The following TTF1 variants were observed in gnomAD, a reference collection of about 807,000 sequenced individuals.
TTF1 encodes the protein transcription termination factor, RNA polymerase I.
Under a neutral mutation model 80.2 loss-of-function variants are expected in TTF1, and 64 were observed. The observed-to-expected ratio is 0.80, with a 90% CI of 0.65 to 0.98. TTF1 has a LOEUF of 0.98. Among genes scored for constraint, TTF1 ranks in the 50% least tolerant of loss-of-function variants. The pLI, the probability that TTF1 is intolerant of heterozygous loss-of-function variation, is 0.00. For missense variants in TTF1, 1,023 were observed against 1,086.2 expected (o/e 0.94, Z 0.82); for synonymous variants, 372 against 382.7 (o/e 0.97, Z 0.33).
rs530893039 is a variant in TTF1 at position 132,386,596 on chromosome 9, T to C, written c.2338A>G (p.Thr780Ala). Residue 780 changes from threonine to alanine, a missense_variant, in exon 9 of 11, where the codon ACT becomes GCT. Transcript: ENST00000334270. ...AGATCTTCCCAGTCTATTTCATTAG[T>C]ATCTTCCACATTTATTTCATACAAC... ...ERLYEINVED[T>A]NEIDWEDLAS... The C allele has an allele frequency of 2.0e-4, 326 of 1,612,972 alleles. 4 individuals are homozygous for C. In the South Asian group the frequency reaches 3.3e-3, roughly 17 times the overall value.
intron 8 of TTF1, 50 bp downstream of exon 8, chr9:132,388,089 T>C (rs1272267501): frequency 6.9e-7 from 1 of 1,447,254 alleles, no homozygotes. Flanking sequence ...CAACTTCTCT[T>C]TGGCTAGAGA....
intron 2 of TTF1, 54 bp downstream of exon 2, chr9:132,401,401 C>T: frequency 1.3e-6 from 2 of 1,529,630 alleles, no homozygotes; most frequent in South Asian, 2.6e-5. Context: ...GAGGTATCGG[C>T]AGAATCCATA....
At chr9:132,383,022 G>A (rs902043312) in intron 9 of TTF1, among the ~76,000 whole-genome samples, 9 of 151,476 alleles carry the variant, frequency 5.9e-5, no homozygotes, top group African/African-American at 9.7e-5. Flanking sequence ...CCGAGATCAC[G>A]CTGTTGCACT....
chr9:132,387,407 C>A (rs530745976), intron 8 of TTF1, among the ~76,000 whole-genome samples: 1 of 152,202 alleles, frequency 6.6e-6, no homozygotes, highest in Admixed American at 6.5e-5. Context: ...ACTTGAGATG[C>A]CCTTCTTGGA....
In TTF1 at chr9:132,402,073, A is replaced by C. The variant is rs764076768; in HGVS notation, c.749T>G (p.Met250Arg). ...SQAGREAGTD[M>R]QESQPTVGLD... is the part of the protein sequence containing the mutation. The stretch of plus-strand genomic sequence containing the variant: ...GCCCACAGTAGGCTGGGATTCCTGC[A>C]TATCAGTCCCGGCCTCTCTGCCTGC... The change falls in exon 2 of 11, where the codon ATG (methionine) becomes AGG (arginine). Residue 250 changes from methionine (M) to arginine (R), a missense_variant. By Grantham distance (91) the Met-to-Arg change is moderately conservative. Coordinates refer to ENST00000334270, the MANE Select transcript of TTF1 (RefSeq NM_007344.4). 1 of 1,614,074 alleles carries C rather than the reference A, an allele frequency of 6.2e-7. No homozygotes were observed. Among genetic ancestry groups the C allele is most frequent in the East Asian group, 2.2e-5 (1 of 44,876 alleles).
intron 7 of TTF1, 112 bp from the exon 8 acceptor site, chr9:132,388,340 T>C (rs1298264152): frequency 1.4e-6 from 1 of 702,514 alleles, no homozygotes; most frequent in East Asian, 3.2e-5. Context: ...CTTCTAACTT[T>C]TCTTTTTTTT....
At chr9:132,379,031 T>G (rs1589815364) in intron 10 of TTF1, 28 bp downstream of exon 10, 1 of 1,550,098 alleles carries the variant, frequency 6.5e-7, no homozygotes, top group South Asian at 1.2e-5. Flanking sequence ...GCCATGTTCT[T>G]AGCCATATAA....
At position 132,400,198 on chromosome 9, in the gene TTF1, G is replaced by A. The variant is rs777643004; in HGVS notation, c.1428C>T (p.Tyr476=). The A allele has an allele frequency of 6.2e-7, 1 of 1,614,208 alleles. No individual in the cohort carries two copies. Among genetic ancestry groups the A allele is most frequent in the South Asian group, 1.1e-5 (1 of 91,080 alleles). The change falls in exon 3 of 11, where the codon TAC becomes TAT. Residue 476 remains tyrosine, a synonymous_variant. Transcript: ENST00000334270. ...VETAEDSEIR[Y]LSADSGDADD... The stretch of plus-strand genomic sequence containing the variant: ...CGGCATCTCCTGAATCTGCAGATAA[G>A]TATCTTATTTCGGAATCTTCAGCTG...
At chr9:132,390,553 C>T (rs1849541186) in intron 7 of TTF1, 44 bp downstream of exon 7, 1 of 1,592,356 alleles carries the variant, frequency 6.3e-7, no homozygotes. Flanking sequence ...CTCACCTCTC[C>T]ACAGAAGCTG....
intron 9 of TTF1, among the ~76,000 whole-genome samples, chr9:132,383,212 T>C (rs1174366911): frequency 6.8e-6 from 1 of 147,500 alleles, no homozygotes; most frequent in Non-Finnish European, 1.5e-5. Flanking sequence ...CACACCATTG[T>C]AACTCCAGCC....
chr9:132,393,621 G>C (rs1485416190), intron 5 of TTF1, among the ~76,000 whole-genome samples: 2 of 152,154 alleles, frequency 1.3e-5, no homozygotes, highest in African/African-American at 2.4e-5. Flanking sequence ...TCTCTGTTCG[G>C]GGCTCTTAGC....
chr9:132,391,639 T>G (rs1849560356), intron 6 of TTF1, among the ~76,000 whole-genome samples: 1 of 152,138 alleles, frequency 6.6e-6, no homozygotes, highest in East Asian at 1.9e-4. Flanking sequence ...AGGACTGTCT[T>G]CTGAAAGGAA....
At chr9:132,383,147 C>CTGAT (rs908846276) in intron 9 of TTF1, among the ~76,000 whole-genome samples, 1 of 150,826 alleles carries the variant, frequency 6.6e-6, no homozygotes, top group African/African-American at 2.4e-5. Context: ...ATTTAGGTGG[C>CTGAT]TGAGGCACAA....
At position 132,401,889 on chromosome 9, in the gene TTF1, C is replaced by T. The variant is rs769634257; in HGVS notation, c.933G>A (p.Arg311=). ...TTTCACCATGCAGGCCCACAGCAGG[C>T]CGGGATTCCTGCATATCAGCCCCAA... ...SEVGADMQES[R]PAVGLHGETA... Residue 311 remains arginine, a synonymous_variant, in exon 2 of 11, where the codon CGG becomes CGA. Transcript: ENST00000334270. The T allele has an allele frequency of 1.2e-6, 2 of 1,610,152 alleles. No homozygotes were observed. The highest frequency in any genetic ancestry group is 4.5e-5 in the East Asian group (2 of 44,110).
chr9:132,394,948 G>A (rs572970903), intron 5 of TTF1, among the ~76,000 whole-genome samples: 38 of 149,676 alleles, frequency 2.5e-4, no homozygotes, highest in East Asian at 7.9e-4. Flanking sequence ...TCCCAGCACC[G>A]TGGGAGGCTG....
At chr9:132,394,427 T>C (rs933299433) in intron 5 of TTF1, among the ~76,000 whole-genome samples, 1 of 151,904 alleles carries the variant, frequency 6.6e-6, no homozygotes, top group Non-Finnish European at 1.5e-5. Context: ...TTATAAGCGT[T>C]TGCCACCACG....
intron 9 of TTF1, among the ~76,000 whole-genome samples, chr9:132,380,924 T>C (rs1849361325): frequency 6.6e-6 from 1 of 152,112 alleles, no homozygotes; most frequent in Non-Finnish European, 1.5e-5. Context: ...TTTAATTTAT[T>C]TTCTTGAGAC....
chr9:132,379,353 GA>G, intron 9 of TTF1: 2 of 462,622 alleles, frequency 4.3e-6, no homozygotes, highest in Non-Finnish European at 7.6e-6. Flanking sequence ...ATGTAAAGGG[GA>G]AAAAGAATCA....
At position 132,398,462 on chromosome 9, in the gene TTF1, G is replaced by A. The variant is rs567168754; in HGVS notation, c.1592-136C>T. The A allele has an allele frequency of 1.6e-4, 130 of 834,698 alleles. No homozygotes were observed. In the African/African-American group the frequency reaches 1.7e-3, roughly 11 times the overall value. 51.7% of individuals were successfully genotyped at this position (834,698 alleles called of 1,614,324 possible). On this transcript the variant is annotated intron_variant, in intron 3 of 10. Coordinates refer to ENST00000334270, the MANE Select transcript of TTF1 (RefSeq NM_007344.4). ...ACACCTGACATTCGCCCTCCTGCCC[G>A]CACTTGCAGATTTGGCCTTTCCTTC...
Sources: allele counts gnomAD v4.1 joint callset (sites outside exome capture counted in the v4.1 genomes callset), GRCh38; gene constraint gnomAD v4.1.1; transcripts MANE v1.5; gene names NCBI Gene and HGNC (gene_info 2026-07-23, HGNC 2026-07-21).